Variants in RBFOX1 observed in about 807,000 individuals in gnomAD.
RBFOX1 encodes the protein RNA binding protein fox-1 homolog 1.
A neutral mutation model predicts 57.7 loss-of-function variants in RBFOX1; 8 were observed. The ratio of observed to expected loss-of-function variants is 0.14; its 90% CI spans 0.08 to 0.25. The LOEUF (loss-of-function observed/expected upper bound fraction) is 0.25, where lower values mean the gene tolerates loss of function less well. Ranked by LOEUF, RBFOX1 falls within the 10% of genes least tolerant of loss-of-function variation. RBFOX1 has a pLI of 1.00. For synonymous variants in RBFOX1, 326 were observed against 222.4 expected (o/e 1.47, Z -4.15); for missense variants, 611 against 548.5 (o/e 1.11, Z -1.14).
At chr16:6,296,200 C>T (rs1035865801) in intron 1 of RBFOX1, among the ~76,000 whole-genome samples, 1 of 152,172 alleles carries the variant, frequency 6.6e-6, no homozygotes, top group Admixed American at 6.5e-5. Context: ...ACACGCTCAT[C>T]CATTCCCCAG....
At chr16:5,409,113 C>T (rs1247432101) in intron 1 of RBFOX1, among the ~76,000 whole-genome samples, 2 of 152,228 alleles carry the variant, frequency 1.3e-5, no homozygotes, top group African/African-American at 4.8e-5. Flanking sequence ...GGGCAGGTCC[C>T]AGGCAGCAAG....
At chr16:5,762,603 C>T (rs892899181) in intron 3 of RBFOX1, among the ~76,000 whole-genome samples, 7 of 152,168 alleles carry the variant, frequency 4.6e-5, no homozygotes, top group African/African-American at 1.4e-4. Context: ...AACTTAGCCG[C>T]AGAAGGCACT....
chr16:6,918,744 G>C (rs1320956821), intron 3 of RBFOX1, among the ~76,000 whole-genome samples: 1 of 152,160 alleles, frequency 6.6e-6, no homozygotes, highest in Non-Finnish European at 1.5e-5. Context: ...TGAAGCGGCA[G>C]TCTCACGTTG....
chr16:5,466,091 T>C (rs999099460), intron 1 of RBFOX1, among the ~76,000 whole-genome samples: 1 of 152,166 alleles, frequency 6.6e-6, no homozygotes, highest in Non-Finnish European at 1.5e-5. Flanking sequence ...AAGGGAGTTA[T>C]GGTATCTTCT....
chr16:7,339,921 T>G (rs1299033965), intron 4 of RBFOX1, among the ~76,000 whole-genome samples: 1 of 152,224 alleles, frequency 6.6e-6, no homozygotes, highest in Non-Finnish European at 1.5e-5. Context: ...TGATCCTCAC[T>G]CACAAGCACA....
At chr16:6,434,587 C>A (rs951141672) in intron 2 of RBFOX1, among the ~76,000 whole-genome samples, 1 of 152,194 alleles carries the variant, frequency 6.6e-6, no homozygotes, top group Non-Finnish European at 1.5e-5. Flanking sequence ...AGAATTCAGT[C>A]TATAAATATA....
At chr16:7,182,234 T>C (rs2082862741) in intron 4 of RBFOX1, among the ~76,000 whole-genome samples, 1 of 152,148 alleles carries the variant, frequency 6.6e-6, no homozygotes, top group Admixed American at 6.5e-5. Context: ...TGTTACAGGG[T>C]TGCTAGTTTA....
At chr16:5,813,148 C>T (rs1036485267) in intron 3 of RBFOX1, among the ~76,000 whole-genome samples, 1 of 152,178 alleles carries the variant, frequency 6.6e-6, no homozygotes, top group South Asian at 2.1e-4. Flanking sequence ...GCTGGAATTA[C>T]AGGCGCATGC....
chr16:6,944,205 C>T (rs542339543), intron 3 of RBFOX1, among the ~76,000 whole-genome samples: 1 of 151,692 alleles, frequency 6.6e-6, no homozygotes, highest in African/African-American at 2.4e-5. Context: ...GATCAGCCTG[C>T]CCAACACAGT....
rs942146266 is a variant in RBFOX1 at position 6,851,767 on chromosome 16, A to C, written c.-16+197117A>C. On this transcript the variant is annotated intron_variant, in intron 3 of 15. Transcript: ENST00000550418. Reference sequence around the variant, plus strand: ...AAGACTGGAACTCACAGGCAGAAGGACTGGCAGGTGGCACCCGGACCCTTA... The same window carrying C: ...AAGACTGGAACTCACAGGCAGAAGGCCTGGCAGGTGGCACCCGGACCCTTA... 9.9e-5 allele frequency among the ~76,000 whole-genome samples: 15 copies of C among 152,236 alleles called. 1 individual carries two copies. The Middle Eastern group carries it at 0.014, about 138-fold the overall frequency.
intron 3 of RBFOX1, among the ~76,000 whole-genome samples, chr16:6,762,829 C>A (rs946069118): frequency 6.6e-6 from 1 of 152,090 alleles, no homozygotes; most frequent in Non-Finnish European, 1.5e-5. Context: ...CCAGGTGTTA[C>A]CAGAGTCATA....
chr16:6,091,486 C>G (rs926070893), intron 1 of RBFOX1, among the ~76,000 whole-genome samples: 2 of 151,984 alleles, frequency 1.3e-5, no homozygotes, highest in Admixed American at 6.6e-5. Context: ...ATTTTATTGT[C>G]ACTTTATCCT....
chr16:7,079,105 T>C (rs903522874), intron 4 of RBFOX1, among the ~76,000 whole-genome samples: 7 of 151,898 alleles, frequency 4.6e-5, no homozygotes, highest in African/African-American at 4.8e-5. Context: ...TCCCATATGG[T>C]GTACCATTCT....
intron 3 of RBFOX1, among the ~76,000 whole-genome samples, chr16:6,888,805 C>A (rs939694589): frequency 1.3e-5 from 2 of 152,102 alleles, no homozygotes; most frequent in African/African-American, 4.8e-5. Flanking sequence ...TATTGTGTTA[C>A]CAAACATTAG....
At chr16:5,864,533 G>A (rs567068170) in intron 3 of RBFOX1, among the ~76,000 whole-genome samples, 2 of 127,196 alleles carry the variant, frequency 1.6e-5, no homozygotes, top group East Asian at 4.7e-4. Context: ...GATGGATGAT[G>A]TATACATACT....
At chr16:5,371,859 G>T (rs866544358) in intron 1 of RBFOX1, among the ~76,000 whole-genome samples, 1 of 152,296 alleles carries the variant, frequency 6.6e-6, no homozygotes, top group African/African-American at 2.4e-5. Context: ...TTAATCCATG[G>T]TTACTTGACC....
chr16:7,298,275 GT>G (rs1281918637), intron 4 of RBFOX1, among the ~76,000 whole-genome samples: 2 of 117,582 alleles, frequency 1.7e-5, no homozygotes, highest in African/African-American at 3.4e-5. Flanking sequence ...TTGTGTATAG[GT>G]TTTTTTTTGT....
At chr16:7,434,620 G>C (rs1156464838) in intron 4 of RBFOX1, among the ~76,000 whole-genome samples, 2 of 152,028 alleles carry the variant, frequency 1.3e-5, no homozygotes, top group Admixed American at 6.5e-5. Flanking sequence ...GGATCCTAAA[G>C]TTTAGAATTC....
At chr16:5,824,843 T>C (rs2055979886) in intron 3 of RBFOX1, among the ~76,000 whole-genome samples, 1 of 152,156 alleles carries the variant, frequency 6.6e-6, no homozygotes, top group African/African-American at 2.4e-5. Flanking sequence ...CCATCCCTGG[T>C]TCCCGAGGTG....
Sources: allele counts gnomAD v4.1 joint callset (sites outside exome capture counted in the v4.1 genomes callset), GRCh38; gene constraint gnomAD v4.1.1; transcripts MANE v1.5; gene names NCBI Gene and HGNC (gene_info 2026-07-23, HGNC 2026-07-21).